The following ADGRL1 variants were observed in gnomAD, a reference collection of about 807,000 sequenced individuals.
ADGRL1 encodes CIRL-1.
In ADGRL1, 31 loss-of-function variants were observed where a neutral mutation model predicts 148.9. The ratio of observed to expected loss-of-function variants is 0.21; its 90% CI spans 0.16 to 0.28. ADGRL1 has a LOEUF of 0.28. ADGRL1 is among the 10% of genes least tolerant of loss of function. The pLI is 1.00. For synonymous variants in ADGRL1, 937 were observed against 900.3 expected (o/e 1.04, Z -0.73); for missense variants, 1,521 against 2,058.8 (o/e 0.74, Z 5.05).
rs1260966684 is a variant in ADGRL1 at position 14,158,415 on chromosome 19, T to C, written c.2287A>G (p.Ile763Val). Residue 763 changes from isoleucine to valine, a missense_variant, in exon 12 of 23, where the codon ATC becomes GTC. Physicochemically the swap from Ile to Val is conservative, Grantham distance 29. Coordinates refer to ENST00000361434, the MANE Select transcript of ADGRL1 (RefSeq NM_014921.5). Reference protein sequence around the residue: ...GASLVVNSQVIAASINKESSR... With the variant: ...GASLVVNSQVVAASINKESSR... The stretch of plus-strand genomic sequence containing the variant: ...GACTCCTTGTTGATGGATGCTGCGA[T>C]GACCTGTGAGTTCACCACTAGAGAG... 1.2e-6 allele frequency: 2 copies of C among 1,613,694 alleles called. No individual in the cohort carries two copies. The highest frequency in any genetic ancestry group is 1.7e-6 in the Non-Finnish European group (2 of 1,180,054).
chr19:14,167,330 AG>A (rs35083943), intron 4 of ADGRL1, among the ~76,000 whole-genome samples: 2 of 142,868 alleles, frequency 1.4e-5, no homozygotes, highest in African/African-American at 5.3e-5. Context: ...CAGGGGTGGT[AG>A]GGGGGTACAG....
intron 2 of ADGRL1, among the ~76,000 whole-genome samples, chr19:14,182,786 C>T (rs760391330): frequency 4.1e-4 from 63 of 152,274 alleles, no homozygotes; most frequent in Admixed American, 7.2e-4. Flanking sequence ...TGCTGGCCAG[C>T]GGGGCAGTGC....
rs1257571787 is a variant in ADGRL1, at chr19:14,160,402, C to A, written c.1615-105G>T. The A allele has an allele frequency of 3.5e-6, 4 of 1,135,872 alleles. No homozygotes were observed. Among genetic ancestry groups the A allele is most frequent in the Non-Finnish European group, 5.0e-6 (4 of 806,908 alleles). 70.4% of individuals were successfully genotyped at this position (1,135,872 alleles called of 1,614,324 possible). On this transcript the variant is annotated intron_variant, in intron 7 of 22. Coordinates refer to ENST00000361434, the MANE Select transcript of ADGRL1 (RefSeq NM_014921.5). The surrounding 1 kb of genome is among the most constrained non-coding windows in gnomAD (Gnocchi z 5.9). Reference sequence around the variant, plus strand: ...GCAGCCTCTCCTATCTCTCTCTCCACTTCCCCATCGCCATCTGCCCCTTCC... The same window carrying A: ...GCAGCCTCTCCTATCTCTCTCTCCAATTCCCCATCGCCATCTGCCCCTTCC...
In ADGRL1 at chr19:14,155,543, C is replaced by A. The variant is rs1568569545; in HGVS notation, c.3126-16G>T. 2 of 1,612,646 alleles carry A rather than the reference C, an allele frequency of 1.2e-6. No individual in the cohort carries two copies. On this transcript the variant is annotated splice_polypyrimidine_tract_variant and intron_variant, in intron 17 of 22. Transcript: ENST00000361434. This position sits in a 1 kb window ranked among gnomAD's most constrained non-coding sequence, Gnocchi z 5.0. ...CGCCCAGGATCTGGGAGTGGGGCGA[C>A]AGGGGAGTCAAAGTACCCGCCGGAG...
chr19:14,175,362 CACAA>C (rs1237822177), intron 3 of ADGRL1, among the ~76,000 whole-genome samples: 1 of 149,012 alleles, frequency 6.7e-6, no homozygotes, highest in Admixed American at 6.9e-5. Context: ...CAGTTAAATA[CACAA>C]AGACACAGCC....
chr19:14,174,057 T>TGTGACTCC, intron 3 of ADGRL1, among the ~76,000 whole-genome samples: 1 of 151,564 alleles, frequency 6.6e-6, no homozygotes, highest in East Asian at 1.9e-4. Context: ...TCCTTCTGGA[T>TGTGACTCC]GTGACTCCAG....
chr19:14,189,653 G>A (rs1327265200), intron 1 of ADGRL1, among the ~76,000 whole-genome samples: 2 of 152,312 alleles, frequency 1.3e-5, no homozygotes, highest in African/African-American at 2.4e-5. Flanking sequence ...GGTGGAGCAC[G>A]TTTTCTTTAT....
At chr19:14,184,617 T>C (rs915063687) in intron 1 of ADGRL1, among the ~76,000 whole-genome samples, 3 of 126,344 alleles carry the variant, frequency 2.4e-5, no homozygotes, top group African/African-American at 9.8e-5. Flanking sequence ...TTTATTTATT[T>C]ATTTATTTAT....
rs1476218504 is a variant in ADGRL1, at chr19:14,148,659, C to T, written c.*2214G>A. ...CAAGACTGTCCCTGGCCTCACTTCT[C>T]CTCCCCATCTAGACTTCACCCATGG... is the stretch of plus-strand genomic sequence containing the variant. On this transcript the variant is annotated 3_prime_UTR_variant, in exon 23 of 23. Transcript: ENST00000361434. 2 of 152,776 alleles carry T rather than the reference C, an allele frequency of 1.3e-5. No individual in the cohort carries two copies. The highest frequency in any genetic ancestry group is 2.9e-5 in the Non-Finnish European group (2 of 68,166). 9.5% of individuals were successfully genotyped at this position (152,776 alleles called of 1,614,324 possible). A position where few individuals can be genotyped will look rare whatever the true frequency, so the allele number is the denominator to read the frequency against.
At chr19:14,198,577 G>A (rs967811672) in intron 1 of ADGRL1, among the ~76,000 whole-genome samples, 1 of 152,030 alleles carries the variant, frequency 6.6e-6, no homozygotes, top group East Asian at 1.9e-4. Flanking sequence ...CCTGCCATCT[G>A]GATCCTGACG....
At chr19:14,203,875 C>T (rs1972781682) in intron 1 of ADGRL1, among the ~76,000 whole-genome samples, 1 of 152,082 alleles carries the variant, frequency 6.6e-6, no homozygotes, top group South Asian at 2.1e-4. Context: ...AGAAAGAGGG[C>T]CTGCAGGGGT....
At chr19:14,172,904 T>C (rs566360641) in intron 3 of ADGRL1, among the ~76,000 whole-genome samples, 18 of 152,292 alleles carry the variant, frequency 1.2e-4, no homozygotes, top group African/African-American at 4.1e-4. Flanking sequence ...GTAACAATAT[T>C]TTACTACTAA....
chr19:14,179,121 T>C (rs1053036425), intron 2 of ADGRL1, among the ~76,000 whole-genome samples: 9 of 151,906 alleles, frequency 5.9e-5, no homozygotes, highest in Non-Finnish European at 1.2e-4. Flanking sequence ...GAGGCAGAGA[T>C]TGCAGTGAGC....
intron 2 of ADGRL1, among the ~76,000 whole-genome samples, chr19:14,180,555 C>A (rs1033503901): frequency 6.6e-6 from 1 of 151,596 alleles, no homozygotes; most frequent in African/African-American, 2.4e-5. Flanking sequence ...CACGCCTGGC[C>A]TGTTTGTTTT....
At chr19:14,195,766 A>G (rs576613516) in intron 1 of ADGRL1, among the ~76,000 whole-genome samples, 1 of 152,110 alleles carries the variant, frequency 6.6e-6, no homozygotes, top group Admixed American at 6.5e-5. Context: ...GCCTCTCTGA[A>G]CCTATTTCCC....
In ADGRL1 at chr19:14,149,203, C is replaced by A. The variant is rs1310309128; in HGVS notation, c.*1670G>T. On this transcript the variant is annotated 3_prime_UTR_variant, in exon 23 of 23. Coordinates refer to ENST00000361434, the MANE Select transcript of ADGRL1 (RefSeq NM_014921.5). The stretch of plus-strand genomic sequence containing the variant: ...CCGGGACAGGTGCTCAGGACACATC[C>A]CGAGCCTGGAGCTTCCGGGGTCTGG... The A allele has an allele frequency of 2.6e-5, 4 of 152,210 alleles. No individual in the cohort carries two copies. Among genetic ancestry groups the A allele is most frequent in the African/African-American group, 7.2e-5 (3 of 41,418 alleles). 9.4% of individuals were successfully genotyped at this position (152,210 alleles called of 1,614,324 possible).
Position 14,160,144 on chromosome 19 carries a change from C to A in ADGRL1, c.1768G>T (p.Glu590Ter). The A allele has an allele frequency of 6.3e-7, 1 of 1,589,708 alleles. No homozygotes were observed. The highest frequency in any genetic ancestry group is 8.6e-7 in the Non-Finnish European group (1 of 1,160,336). ...DAQLQALRPIERESAGKNYNK... is the reference protein window; with the variant it reads ...DAQLQALRPI ...TAGTTCTTGCCGGCTGACTCGCGCT[C>A]GATGGGCCGCAGGGCCTGCAGCTGG... Residue 590 changes from glutamate to a stop codon, truncating the protein, a stop_gained, in exon 8 of 23, where the codon GAG (glutamate) becomes TAG (stop). Coordinates refer to ENST00000361434, the MANE Select transcript of ADGRL1 (RefSeq NM_014921.5). LOFTEE classifies it high-confidence loss of function. This position sits in a 1 kb window ranked among gnomAD's most constrained non-coding sequence, Gnocchi z 5.9.
At chr19:14,182,049 A>G (rs1245296194) in intron 2 of ADGRL1, among the ~76,000 whole-genome samples, 1 of 152,134 alleles carries the variant, frequency 6.6e-6, no homozygotes, top group Non-Finnish European at 1.5e-5. Flanking sequence ...TGTAGGAGCC[A>G]GACAGATGGC....
rs924139976 is a variant in ADGRL1, at chr19:14,162,005, G to C, written c.1196-379C>G. 6.6e-6 allele frequency among the ~76,000 whole-genome samples: 1 copy of C among 152,022 alleles called. No homozygotes were observed. Among genetic ancestry groups the C allele is most frequent in the African/African-American group, 2.4e-5 (1 of 41,390 alleles). On this transcript the variant is annotated intron_variant, in intron 5 of 22. Coordinates refer to ENST00000361434, the MANE Select transcript of ADGRL1 (RefSeq NM_014921.5). The surrounding 1 kb of genome is among the most constrained non-coding windows in gnomAD (Gnocchi z 5.4). ...CACCAGGTGGGGGCTGAATACCACC[G>C]CCCCCCATCCTCGTTCTAGCTGACT...
Sources: allele counts gnomAD v4.1 joint callset (sites outside exome capture counted in the v4.1 genomes callset), GRCh38; gene constraint gnomAD v4.1.1; non-coding constraint Gnocchi (gnomAD v3.1); transcripts MANE v1.5; gene names NCBI Gene and HGNC (gene_info 2026-07-23, HGNC 2026-07-21).